Variants in REDIC1 observed in about 807,000 individuals in gnomAD.
The protein encoded by REDIC1 is regulator of DNA class I crossover intermediates 1.
the REDIC1 span, among the ~76,000 whole-genome samples, chr12:39,778,427 T>C: frequency 6.6e-6 from 1 of 152,102 alleles, no homozygotes; most frequent in African/African-American, 2.4e-5. Flanking sequence ...CATATTCTAG[T>C]TGTCACAAAG....
chr12:39,777,499 C>T, the REDIC1 span, among the ~76,000 whole-genome samples: 18 of 152,164 alleles, frequency 1.2e-4, no homozygotes, highest in Admixed American at 6.5e-4. Flanking sequence ...CTGACTAGGG[C>T]TCCACCCAGG....
At chr12:39,696,138 G>A in the REDIC1 span, among the ~76,000 whole-genome samples, 265 of 152,208 alleles carry the variant, frequency 1.7e-3, no homozygotes, top group African/African-American at 6.0e-3. Context: ...ATGAGAACAA[G>A]CCCAGACTGT....
At chr12:39,784,583 A>G in the REDIC1 span, among the ~76,000 whole-genome samples, 1 of 152,220 alleles carries the variant, frequency 6.6e-6, no homozygotes, top group African/African-American at 2.4e-5. Flanking sequence ...TTCAAAATGG[A>G]TTAAATACTT....
chr12:39,715,541 A>G, the REDIC1 span, among the ~76,000 whole-genome samples: 1 of 151,954 alleles, frequency 6.6e-6, no homozygotes, highest in Admixed American at 6.6e-5. Context: ...CCATGAAAAT[A>G]CCACCATCAT....
At chr12:39,874,162 T>C in the REDIC1 span, among the ~76,000 whole-genome samples, 2 of 152,196 alleles carry the variant, frequency 1.3e-5, no homozygotes, top group Admixed American at 1.3e-4. Context: ...AGGGAATTAA[T>C]GTTAGGGTTG....
At chr12:39,716,965 CA>C in the REDIC1 span, 5 of 548,378 alleles carry the variant, frequency 9.1e-6, no homozygotes, top group South Asian at 3.3e-4. Context: ...TTAATATAAA[CA>C]AAAAGGTAAA....
chr12:39,670,053 G>A, the REDIC1 span, among the ~76,000 whole-genome samples: 1 of 152,092 alleles, frequency 6.6e-6, no homozygotes, highest in African/African-American at 2.4e-5. Flanking sequence ...TGCCCCCACT[G>A]TCCTGCATGC....
chr12:39,716,914 C>A, the REDIC1 span: 1 of 973,420 alleles, frequency 1.0e-6, no homozygotes, highest in South Asian at 2.9e-5. Flanking sequence ...TTACCTTTAC[C>A]CTATAAAACT....
chr12:39,699,258 C>T, the REDIC1 span, among the ~76,000 whole-genome samples: 2 of 152,124 alleles, frequency 1.3e-5, no homozygotes, highest in African/African-American at 4.8e-5. Context: ...ATGCATGAGC[C>T]GAAGCTGGGC....
the REDIC1 span, among the ~76,000 whole-genome samples, chr12:39,712,980 TACA>T: frequency 1.4e-4 from 1 of 7,298 alleles, no homozygotes; most frequent in East Asian, 4.5e-3. Context: ...TATGTATATA[TACA>T]TGTGTATATA....
chr12:39,711,887 A>T, the REDIC1 span, among the ~76,000 whole-genome samples: 1 of 122,632 alleles, frequency 8.2e-6, no homozygotes, highest in Non-Finnish European at 1.7e-5. Flanking sequence ...ATGCATGTGT[A>T]TGTGTATACA....
chr12:39,668,753 T>G, the REDIC1 span, among the ~76,000 whole-genome samples: 17 of 152,330 alleles, frequency 1.1e-4, no homozygotes, highest in African/African-American at 4.1e-4. Flanking sequence ...TTTGTTCATT[T>G]TTTTTTGTTA....
At chr12:39,858,333 A>G in the REDIC1 span, among the ~76,000 whole-genome samples, 2 of 152,214 alleles carry the variant, frequency 1.3e-5, no homozygotes, top group Non-Finnish European at 2.9e-5. Flanking sequence ...GATATTAGTA[A>G]CACATACAAC....
At chr12:39,673,128 T>G in the REDIC1 span, among the ~76,000 whole-genome samples, 4 of 151,914 alleles carry the variant, frequency 2.6e-5, no homozygotes, top group African/African-American at 7.2e-5. Context: ...GGCTAGGCCA[T>G]CTGCCTAGCC....
chr12:39,761,877 T>C, the REDIC1 span, among the ~76,000 whole-genome samples: 1 of 152,090 alleles, frequency 6.6e-6, no homozygotes, highest in South Asian at 2.1e-4. Flanking sequence ...TTTATCTTCA[T>C]CATTATCTTT....
chr12:39,782,087 G>A, the REDIC1 span, among the ~76,000 whole-genome samples: 1 of 152,196 alleles, frequency 6.6e-6, no homozygotes, highest in Non-Finnish European at 1.5e-5. Flanking sequence ...ATGCCTAGAA[G>A]TAAGACCAAA....
chr12:39,750,395 C>T, the REDIC1 span, among the ~76,000 whole-genome samples: 1 of 152,170 alleles, frequency 6.6e-6, no homozygotes, highest in Non-Finnish European at 1.5e-5. Context: ...CAAACCACTG[C>T]TCAATGAAAC....
chr12:39,750,215 C>A, the REDIC1 span, among the ~76,000 whole-genome samples: 1 of 152,188 alleles, frequency 6.6e-6, no homozygotes, highest in African/African-American at 2.4e-5. Flanking sequence ...GCAACTTCAG[C>A]AAAGTCTCAG....
the REDIC1 span, chr12:39,720,987 G>A: frequency 6.2e-7 from 1 of 1,613,608 alleles, no homozygotes; most frequent in East Asian, 2.2e-5. Context: ...ATACAGATCA[G>A]TTTCCACAGT....
Sources: allele counts gnomAD v4.1 joint callset (sites outside exome capture counted in the v4.1 genomes callset), GRCh38; gene constraint gnomAD v4.1.1; transcripts MANE v1.5; gene names NCBI Gene and HGNC (gene_info 2026-07-23, HGNC 2026-07-21).